SIPA1L3: variants seen among roughly 807,000 people sequenced by gnomAD.
SIPA1L3 encodes the protein signal-induced proliferation-associated 1-like protein 3.
A neutral mutation model predicts 150.1 loss-of-function variants in SIPA1L3; 59 were observed. The ratio of observed to expected loss-of-function variants is 0.39; its 90% CI spans 0.32 to 0.49. The LOEUF (loss-of-function observed/expected upper bound fraction) is 0.49, where lower values mean the gene tolerates loss of function less well. Among genes scored for constraint, SIPA1L3 ranks in the 20% least tolerant of loss-of-function variants. The pLI, the probability that SIPA1L3 is intolerant of heterozygous loss-of-function variation, is 0.86. For synonymous variants in SIPA1L3, 1,070 were observed against 1,077.6 expected (o/e 0.99, Z 0.14); for missense variants, 2,211 against 2,489.5 (o/e 0.89, Z 2.38).
At chr19:38,160,502 A>G (rs1156881180) in intron 13 of SIPA1L3, among the ~76,000 whole-genome samples, 1 of 151,574 alleles carries the variant, frequency 6.6e-6, no homozygotes, top group Non-Finnish European at 1.5e-5. Flanking sequence ...CCCAGGTCCA[A>G]GCGATTCTTC....
chr19:38,160,983 A>G (rs1972070221), intron 13 of SIPA1L3, among the ~76,000 whole-genome samples: 1 of 152,216 alleles, frequency 6.6e-6, no homozygotes, highest in Non-Finnish European at 1.5e-5. Flanking sequence ...AAGCAAGTAT[A>G]GACATATTAC....
intron 18 of SIPA1L3, among the ~76,000 whole-genome samples, chr19:38,196,871 G>A (rs2146058459): frequency 6.6e-6 from 1 of 152,288 alleles, no homozygotes; most frequent in Non-Finnish European, 1.5e-5. Context: ...AACGGCCTGA[G>A]TTTATGTCCC....
Position 38,047,227 on chromosome 19 carries a change from C to G in SIPA1L3, c.-311+18071C>G, listed in dbSNP as rs985858204. Among the ~76,000 whole-genome samples the G allele has an allele frequency of 6.6e-6, 1 of 152,050 alleles. No individual in the cohort carries two copies. The highest frequency in any genetic ancestry group is 1.5e-5 in the Non-Finnish European group (1 of 68,016). Reference sequence around the variant, plus strand: ...CTGCCAGCCTGTTCTCCCCCGCCGACACACACGCACGCACACACGCACGCA... The same window carrying G: ...CTGCCAGCCTGTTCTCCCCCGCCGAGACACACGCACGCACACACGCACGCA... On this transcript the variant is annotated intron_variant, in intron 2 of 21. Transcript: ENST00000222345. The surrounding 1 kb of genome is among the most constrained non-coding windows in gnomAD (Gnocchi z 4.7).
At chr19:38,157,882 G>T (rs965171817) in intron 13 of SIPA1L3, among the ~76,000 whole-genome samples, 1 of 152,200 alleles carries the variant, frequency 6.6e-6, no homozygotes, top group Non-Finnish European at 1.5e-5. Context: ...TGAAAGTCTG[G>T]TGGGAGAATT....
Position 38,182,851 on chromosome 19 carries a change from G to A in SIPA1L3, c.4430+111G>A, listed in dbSNP as rs554347426. 72 of 782,466 alleles carry A rather than the reference G, an allele frequency of 9.2e-5. 2 individuals carry two copies. The South Asian group carries it at 1.3e-3, about 14-fold the overall frequency. 48.5% of individuals were successfully genotyped at this position (782,466 alleles called of 1,614,324 possible). Reference sequence around the variant, plus strand: ...TCATTGCACAGACGACTGTGGGCCAGTGTACCAGTGTACACACTGGGGCTG... The same window carrying A: ...TCATTGCACAGACGACTGTGGGCCAATGTACCAGTGTACACACTGGGGCTG... On this transcript the variant is annotated intron_variant, in intron 16 of 21. Coordinates refer to ENST00000222345, the MANE Select transcript of SIPA1L3 (RefSeq NM_015073.3).
chr19:37,972,123 G>A (rs1966955014), intron 1 of SIPA1L3, among the ~76,000 whole-genome samples: 2 of 151,464 alleles, frequency 1.3e-5, no homozygotes, highest in South Asian at 4.2e-4. Context: ...ACTAAGTCAT[G>A]TGGTAACTAT....
chr19:38,182,832 C>A, intron 16 of SIPA1L3, 92 bp downstream of exon 16: 1 of 967,200 alleles, frequency 1.0e-6, no homozygotes, highest in Non-Finnish European at 1.5e-6. Context: ...GCTGTCATTG[C>A]ACAGACGACT....
At chr19:37,982,820 G>A (rs754174797) in intron 1 of SIPA1L3, among the ~76,000 whole-genome samples, 9 of 152,292 alleles carry the variant, frequency 5.9e-5, no homozygotes, top group South Asian at 2.1e-4. Flanking sequence ...GGCTTTCCCG[G>A]TGTGACCTGT....
chr19:38,076,123 G>C (rs942856860), intron 2 of SIPA1L3, among the ~76,000 whole-genome samples: 1 of 151,860 alleles, frequency 6.6e-6, no homozygotes. Flanking sequence ...CTAGGCGACA[G>C]AGCAAGGCTC....
intron 12 of SIPA1L3, among the ~76,000 whole-genome samples, chr19:38,147,010 T>C (rs939158163): frequency 6.6e-6 from 1 of 152,152 alleles, no homozygotes; most frequent in African/African-American, 2.4e-5. Context: ...TAGTTTGTCT[T>C]TTTTACAGGG....
chr19:38,178,767 C>A (rs1475679006), intron 15 of SIPA1L3, among the ~76,000 whole-genome samples: 1 of 152,200 alleles, frequency 6.6e-6, no homozygotes, highest in African/African-American at 2.4e-5. Context: ...TGAGCTACCA[C>A]ACCCAGCCAG....
At chr19:37,908,569 G>T (rs2046354217) in intron 1 of SIPA1L3, among the ~76,000 whole-genome samples, 1 of 151,750 alleles carries the variant, frequency 6.6e-6, no homozygotes. Flanking sequence ...TTTGCACAAG[G>T]CCCGGCACAC....
chr19:37,947,662 A>G (rs1046796713), intron 1 of SIPA1L3, among the ~76,000 whole-genome samples: 1 of 152,178 alleles, frequency 6.6e-6, no homozygotes, highest in Non-Finnish European at 1.5e-5. Context: ...AATGAAGCAG[A>G]TTGATAATAT....
intron 2 of SIPA1L3, among the ~76,000 whole-genome samples, chr19:38,038,290 C>T (rs946481278): frequency 7.2e-5 from 11 of 152,106 alleles, no homozygotes; most frequent in Non-Finnish European, 2.9e-5. Context: ...CTGTATCTTC[C>T]TCATGTAAAA....
At chr19:38,119,142 G>A (rs1049732023) in intron 8 of SIPA1L3, among the ~76,000 whole-genome samples, 164 bp from the exon 9 acceptor site, 5 of 152,188 alleles carry the variant, frequency 3.3e-5, no homozygotes, top group East Asian at 1.9e-4. Context: ...GCTGCAGTGC[G>A]CTATGATTGC....
At chr19:38,088,429 C>T (rs1329313185) in intron 3 of SIPA1L3, among the ~76,000 whole-genome samples, 1 of 152,260 alleles carries the variant, frequency 6.6e-6, no homozygotes, top group African/African-American at 2.4e-5. Context: ...TTCATTTTTG[C>T]CTTCACATCC....
chr19:37,911,570 G>A lies in SIPA1L3; in HGVS notation c.-379+4212G>A, dbSNP rs189967074. 4.0e-4 allele frequency among the ~76,000 whole-genome samples: 60 copies of A among 150,582 alleles called. 2 individuals are homozygous for A. The highest frequency in any genetic ancestry group is 3.6e-3 in the Admixed American group (55 of 15,100). On this transcript the variant is annotated intron_variant, in intron 1 of 21. Coordinates refer to ENST00000222345, the MANE Select transcript of SIPA1L3 (RefSeq NM_015073.3). ...ATCGCCCAGGCTGGAGTGCAGTGGC[G>A]CAATCTCAGCTCACTGCAAGCTCCG...
chr19:37,925,015 C>T lies in SIPA1L3; in HGVS notation c.-379+17657C>T, dbSNP rs374451609. 2.0e-5 allele frequency among the ~76,000 whole-genome samples: 3 copies of T among 150,852 alleles called. No homozygotes were observed. The South Asian group carries it at 6.3e-4, about 31-fold the overall frequency. On this transcript the variant is annotated intron_variant, in intron 1 of 21. Transcript: ENST00000222345. The stretch of plus-strand genomic sequence containing the variant: ...AGTGAGCCGAGATCACACCACTGCA[C>T]TCCAGCCTGGGGAATAGAGGGAGAC...
At chr19:38,084,191 T>G (rs1833462044) in intron 3 of SIPA1L3, among the ~76,000 whole-genome samples, 1 of 151,610 alleles carries the variant, frequency 6.6e-6, no homozygotes, top group Non-Finnish European at 1.5e-5. Context: ...GCTGCTGGAG[T>G]GCCAGGCGTC....
Sources: gnomAD v4.1 joint callset for allele counts (sites outside exome capture counted in the v4.1 genomes callset) on GRCh38, gnomAD v4.1.1 for gene constraint, Gnocchi (gnomAD v3.1) non-coding constraint, MANE v1.5 for transcripts, NCBI Gene and HGNC (gene_info 2026-07-23, HGNC 2026-07-21) for gene names.